Variants in DEPTOR observed in about 807,000 individuals in gnomAD.
The protein encoded by DEPTOR is DEP domain containing MTOR interacting protein.
In DEPTOR, 41 loss-of-function variants were observed where a neutral mutation model predicts 41.6. The ratio of observed to expected loss-of-function variants is 0.98; its 90% confidence interval spans 0.77 to 1.28. The LOEUF (loss-of-function observed/expected upper bound fraction) is 1.28, where lower values mean the gene tolerates loss of function less well. Among genes scored for constraint, DEPTOR ranks in the 50% most tolerant of loss-of-function variants. DEPTOR has a pLI of 0.00. For missense variants in DEPTOR, 514 were observed against 527.9 expected (o/e 0.97, Z 0.26); for synonymous variants, 195 against 192.3 (o/e 1.01, Z -0.12).
Position 119,979,767 on chromosome 8 carries a change from T to TG in DEPTOR, c.604+14361dup, listed in dbSNP as rs1319375130. Among the ~76,000 whole-genome samples, 3 of 152,142 alleles carry TG rather than the reference T, an allele frequency of 2.0e-5. No individual in the cohort carries two copies. In the East Asian group the frequency reaches 5.8e-4, roughly 29 times the overall value. On this transcript the variant is annotated intron_variant, in intron 4 of 8. Coordinates refer to ENST00000286234, the MANE Select transcript of DEPTOR (RefSeq NM_022783.4). ...GCAGTTGGCAAAGCCTCCAGGCCAC[T>TG]GGGGAAGGGGTGGGTGTTGGTTTTG...
chr8:119,912,556 C>G (rs1827759025), intron 1 of DEPTOR, among the ~76,000 whole-genome samples: 1 of 152,216 alleles, frequency 6.6e-6, no homozygotes, highest in Non-Finnish European at 1.5e-5. Flanking sequence ...ATTTTTAAAT[C>G]CAGAGAAACC....
intron 4 of DEPTOR, among the ~76,000 whole-genome samples, chr8:119,971,371 G>A (rs1828632362): frequency 6.6e-6 from 1 of 152,174 alleles, no homozygotes; most frequent in African/African-American, 2.4e-5. Context: ...GGGGTACAGA[G>A]GCTACCTATC....
intron 4 of DEPTOR, among the ~76,000 whole-genome samples, chr8:119,972,486 G>A (rs1563578455): frequency 1.3e-5 from 2 of 151,910 alleles, no homozygotes. Flanking sequence ...AGCCAGGTGT[G>A]GTAGCATGTG....
At chr8:119,994,729 A>G (rs1812230393) in intron 4 of DEPTOR, among the ~76,000 whole-genome samples, 1 of 152,126 alleles carries the variant, frequency 6.6e-6, no homozygotes, top group Non-Finnish European at 1.5e-5. Context: ...CAGCCTGGCC[A>G]GCATGGTGAA....
intron 1 of DEPTOR, among the ~76,000 whole-genome samples, chr8:119,926,311 C>G (rs868114842): frequency 6.6e-6 from 1 of 152,130 alleles, no homozygotes; most frequent in Non-Finnish European, 1.5e-5. Context: ...AATCACACAA[C>G]TAGCTTTCCC....
chr8:119,919,723 T>C (rs769625895), intron 1 of DEPTOR, among the ~76,000 whole-genome samples: 17 of 152,188 alleles, frequency 1.1e-4, no homozygotes, highest in Admixed American at 5.9e-4. Context: ...AATCACAGGC[T>C]CACACTGTCA....
At position 119,990,154 on chromosome 8, in the gene DEPTOR, A is replaced by T. The variant is rs142141609; in HGVS notation, c.605-11371A>T. Among the ~76,000 whole-genome samples the T allele has an allele frequency of 3.5e-3, 529 of 151,852 alleles. 4 individuals are homozygous for T. Among genetic ancestry groups the T allele is most frequent in the South Asian group, 6.9e-3 (33 of 4,808 alleles). On this transcript the variant is annotated intron_variant, in intron 4 of 8. Transcript: ENST00000286234. ...TGGAATGTACCCAGCTATTATTTTT[A>T]TTTGTTTATTTAGTTTTTTTTTGAG... is the stretch of plus-strand genomic sequence containing the variant.
At chr8:120,003,591 G>A (rs894467932) in intron 6 of DEPTOR, among the ~76,000 whole-genome samples, 4 of 151,640 alleles carry the variant, frequency 2.6e-5, no homozygotes, top group Admixed American at 2.0e-4. Flanking sequence ...CTCACAGCAG[G>A]GGAAACAGCA....
chr8:119,876,742 G>A (rs1476439396), intron 1 of DEPTOR, among the ~76,000 whole-genome samples: 1 of 152,012 alleles, frequency 6.6e-6, no homozygotes, highest in Non-Finnish European at 1.5e-5. Flanking sequence ...TGATAGATAT[G>A]TAGTAAGCAC....
At chr8:119,874,101 G>A in intron 1 of DEPTOR, 133 bp downstream of exon 1, 1 of 1,477,678 alleles carries the variant, frequency 6.8e-7, no homozygotes, top group South Asian at 1.2e-5. Context: ...GCGGGCGCGT[G>A]GATGGTCCTC....
rs749096183 is a variant in DEPTOR, at chr8:119,873,900, G to C, written c.54G>C (p.Gly18=). 6 of 1,613,664 alleles carry C rather than the reference G, an allele frequency of 3.7e-6. No individual in the cohort carries two copies. Among genetic ancestry groups the C allele is most frequent in the Admixed American group, 1.7e-5 (1 of 60,004 alleles). Residue 18 remains glycine (G), a synonymous_variant, in exon 1 of 9, where the codon GGG becomes GGC. Transcript: ENST00000286234. ...CTGGCAGTGACAGCAGCACCAGCGG[G>C]AGTGGCGGGGCGCAGCAAAGGGAGC... ...GSAGSDSSTS[G]SGGAQQRELE...
rs544999356 is a variant in DEPTOR, at chr8:119,955,820, G to A, written c.426-9412G>A. Among the ~76,000 whole-genome samples, 5 of 152,242 alleles carry A rather than the reference G, an allele frequency of 3.3e-5. No homozygotes were observed. In the East Asian group the frequency reaches 5.8e-4, roughly 18 times the overall value. ...TATATTAAAAACCACTGAATTGTAC[G>A]TGTTAAATAGGTTAATTGTATGGTA... On this transcript the variant is annotated intron_variant, in intron 3 of 8. Transcript: ENST00000286234.
At chr8:119,931,181 A>C (rs1215841257) in intron 3 of DEPTOR, among the ~76,000 whole-genome samples, 2 of 152,164 alleles carry the variant, frequency 1.3e-5, no homozygotes, top group South Asian at 2.1e-4. Flanking sequence ...ACTGCACTCC[A>C]ACCTGGGTGA....
chr8:120,039,252 C>A (rs1021578510), intron 8 of DEPTOR, among the ~76,000 whole-genome samples: 1 of 152,140 alleles, frequency 6.6e-6, no homozygotes, highest in Admixed American at 6.6e-5. Flanking sequence ...TCACCAGACA[C>A]CTGCCAGCAC....
intron 1 of DEPTOR, among the ~76,000 whole-genome samples, chr8:119,924,760 A>G (rs1827942825): frequency 6.6e-6 from 1 of 151,710 alleles, no homozygotes; most frequent in Non-Finnish European, 1.5e-5. Flanking sequence ...TTTTCGTTTC[A>G]GGGAATTCAT....
rs1486154421 is a variant in DEPTOR at position 120,050,338 on chromosome 8, T to G, written c.*634T>G. On this transcript the variant is annotated 3_prime_UTR_variant, in exon 9 of 9. Coordinates refer to ENST00000286234, the MANE Select transcript of DEPTOR (RefSeq NM_022783.4). ...GAAAAAAAAAAACCTTGTGATGCTA[T>G]GGTTGGGGGTAGTTAGGGAGAGACT... is the stretch of plus-strand genomic sequence containing the variant. 6.6e-6 allele frequency: 1 copy of G among 152,044 alleles called. No individual in the cohort carries two copies. Among genetic ancestry groups the G allele is most frequent in the Non-Finnish European group, 1.5e-5 (1 of 68,022 alleles). 9.4% of individuals were successfully genotyped at this position (152,044 alleles called of 1,614,324 possible).
intron 1 of DEPTOR, among the ~76,000 whole-genome samples, chr8:119,892,260 A>C (rs1016661480): frequency 2.0e-5 from 3 of 152,134 alleles, no homozygotes; most frequent in Non-Finnish European, 4.4e-5. Flanking sequence ...TGGTCTCCCA[A>C]AGTGCTGGGA....
Position 120,003,116 on chromosome 8 carries a change from G to A in DEPTOR, c.925+5G>A, listed in dbSNP as rs992044083. On this transcript the variant is annotated splice_donor_5th_base_variant and intron_variant, in intron 6 of 8. Coordinates refer to ENST00000286234, the MANE Select transcript of DEPTOR (RefSeq NM_022783.4). ...TGCTCTGCAACCCCAAGTCCGGTGA[G>A]TGCCCAAAAGGTGGCCCCGCTCCTA... is the stretch of plus-strand genomic sequence containing the variant. 12 of 1,611,154 alleles carry A rather than the reference G, an allele frequency of 7.4e-6. No individual in the cohort carries two copies. In the East Asian group the frequency reaches 1.6e-4, roughly 21 times the overall value.
intron 1 of DEPTOR, among the ~76,000 whole-genome samples, chr8:119,923,893 C>CTTTTCTTTTTTT (rs1554673843): frequency 9.5e-5 from 10 of 104,972 alleles, no homozygotes; most frequent in African/African-American, 2.7e-4. Flanking sequence ...TTTTTTCTTT[C>CTTTTCTTTTTTT]TTTTTTTTTT....
Sources: gnomAD v4.1 joint callset for allele counts (sites outside exome capture counted in the v4.1 genomes callset) on GRCh38, gnomAD v4.1.1 for gene constraint, MANE v1.5 for transcripts, NCBI Gene and HGNC (gene_info 2026-07-23, HGNC 2026-07-21) for gene names.